The following PLD1 variants were observed in gnomAD, a reference collection of about 807,000 sequenced individuals.
PLD1 encodes the protein phospholipase D1.
PLD1 carries 112 observed loss-of-function variants against 137.1 expected under a neutral mutation model. The observed-to-expected ratio is 0.82, with a 90% CI of 0.70 to 0.96. PLD1 has a LOEUF of 0.96. Ranked by LOEUF, PLD1 falls within the 40% of genes least tolerant of loss-of-function variation. The pLI is 0.00. For synonymous variants in PLD1, 431 were observed against 454.7 expected, an observed-to-expected ratio of 0.95 and a Z score of 0.66; for missense variants, 1,321 against 1,342.0, an observed-to-expected ratio of 0.98 and a Z score of 0.24.
Position 171,617,656 on chromosome 3 carries a change from G to A in PLD1, c.2728+2730C>T, listed in dbSNP as rs930435645. ...TGGTTAAAGGCTAAAATTAAGATAG[G>A]TAAGAAAACTGGATTTGGTCACAGA... On this transcript the variant is annotated intron_variant, in intron 24 of 26. Coordinates refer to ENST00000351298, the MANE Select transcript of PLD1 (RefSeq NM_002662.5). Among the ~76,000 whole-genome samples the A allele has an allele frequency of 4.4e-4, 67 of 152,150 alleles. 1 individual carries two copies. The highest frequency in any genetic ancestry group is 3.9e-4 in the Admixed American group (6 of 15,286).
intron 1 of PLD1, chr3:171,765,051 G>A (rs1334038461): frequency 6.6e-6 from 1 of 152,076 alleles, no homozygotes; most frequent in African/African-American, 2.4e-5. Flanking sequence ...AGAGCTAGGG[G>A]AGGAAAAGAG....
intron 1 of PLD1, among the ~76,000 whole-genome samples, chr3:171,779,073 C>T (rs1297555001): frequency 6.6e-6 from 1 of 152,132 alleles, no homozygotes; most frequent in African/African-American, 2.4e-5. Context: ...CCTGTAATCC[C>T]AGCTACTCAG....
chr3:171,672,289 A>C (rs1712849069), intron 19 of PLD1, among the ~76,000 whole-genome samples: 1 of 152,158 alleles, frequency 6.6e-6, no homozygotes, highest in South Asian at 2.1e-4. Flanking sequence ...CTCGACACCC[A>C]AGTGTGCTTT....
At position 171,714,215 on chromosome 3, in the gene PLD1, C is replaced by A. The variant is rs28375171; in HGVS notation, c.759-170G>T. 7.2e-3 allele frequency among the ~76,000 whole-genome samples: 1,094 copies of A among 151,936 alleles called. 12 individuals carry two copies. Among genetic ancestry groups the A allele is most frequent in the African/African-American group, 0.02 (819 of 41,422 alleles). On this transcript the variant is annotated intron_variant, in intron 8 of 26. Transcript: ENST00000351298. ...ATCGCTATGAAACAAACAAAAAAAA[C>A]CCAACAAAACCTTTCTATTACGTTT... is the stretch of plus-strand genomic sequence containing the variant.
chr3:171,628,836 A>C (rs1292302703), intron 23 of PLD1, among the ~76,000 whole-genome samples: 1 of 152,232 alleles, frequency 6.6e-6, no homozygotes, highest in Non-Finnish European at 1.5e-5. Context: ...AACTCTCAAT[A>C]AATTAGGTAT....
At position 171,764,882 on chromosome 3, in the gene PLD1, A is replaced by AGGAAGGAAG. The variant is rs753055773; in HGVS notation, c.-31-26801_-31-26800insCTTCCTTCC. On this transcript the variant is annotated intron_variant, in intron 1 of 26. Transcript: ENST00000351298. ...AAGAAAGAAAGAAAGAAAGAAAGAA[A>AGGAAGGAAG]GAAAGAAAGAAAGGAAGGAAGGAAG... is the stretch of plus-strand genomic sequence containing the variant. 1.0e-3 allele frequency among the ~76,000 whole-genome samples: 27 copies of AGGAAGGAAG among 27,050 alleles called. 3 individuals carry two copies. The highest frequency in any genetic ancestry group is 4.5e-3 in the African/African-American group (26 of 5,734). The allele number at this position is 27,050 out of a possible 152,430, so 17.7% of individuals were successfully genotyped here. A position where few individuals can be genotyped will look rare whatever the true frequency, so the allele number is the denominator to read the frequency against.
intron 1 of PLD1, chr3:171,809,450 A>G (rs1160867391): frequency 6.6e-6 from 1 of 152,234 alleles, no homozygotes; most frequent in African/African-American, 2.4e-5. Context: ...AGTCTCTCAG[A>G]GGCCTTTGGA....
At chr3:171,797,427 C>A (rs1473824566) in intron 1 of PLD1, among the ~76,000 whole-genome samples, 1 of 152,170 alleles carries the variant, frequency 6.6e-6, no homozygotes, top group Non-Finnish European at 1.5e-5. Context: ...TATCTCGGAG[C>A]TTGTTAGAAT....
intron 1 of PLD1, among the ~76,000 whole-genome samples, chr3:171,768,897 G>A (rs1722161339): frequency 6.6e-6 from 1 of 152,208 alleles, no homozygotes; most frequent in African/African-American, 2.4e-5. Flanking sequence ...GGTATGTTAT[G>A]AGACAAATGC....
rs372576752 is a variant in PLD1, at chr3:171,692,444, T to C, written c.1228-2A>G. ...TATGAAGATCCTCACTCCTTGTTGC[T>C]GTCACAGGAGAAAACCGATGGAGGA... On this transcript the variant is annotated splice_acceptor_variant, in intron 12 of 26. Transcript: ENST00000351298. LOFTEE classifies it high-confidence loss of function. 3 of 1,474,892 alleles carry C rather than the reference T, an allele frequency of 2.0e-6. No individual in the cohort carries two copies. In the African/African-American group the frequency reaches 4.2e-5, roughly 20 times the overall value. 91.4% of individuals were successfully genotyped at this position (1,474,892 alleles called of 1,614,324 possible).
chr3:171,777,389 C>T (rs1013233512), intron 1 of PLD1, among the ~76,000 whole-genome samples: 1 of 152,146 alleles, frequency 6.6e-6, no homozygotes, highest in Non-Finnish European at 1.5e-5. Flanking sequence ...GAGCTGCTTG[C>T]GTGTAAGGGA....
intron 1 of PLD1, among the ~76,000 whole-genome samples, chr3:171,786,045 T>C (rs1723002658): frequency 6.6e-6 from 1 of 152,180 alleles, no homozygotes; most frequent in Non-Finnish European, 1.5e-5. Context: ...AAATGTTTCT[T>C]GGGTTGACTT....
intron 1 of PLD1, among the ~76,000 whole-genome samples, chr3:171,740,090 T>C (rs570398165): frequency 1.3e-5 from 2 of 152,244 alleles, no homozygotes; most frequent in East Asian, 3.9e-4. Context: ...ATCTCTAGAG[T>C]TCTTTTAACA....
At chr3:171,652,953 T>C (rs75788519) in intron 21 of PLD1, among the ~76,000 whole-genome samples, 1 of 152,200 alleles carries the variant, frequency 6.6e-6, no homozygotes, top group African/African-American at 2.4e-5. Flanking sequence ...GTATTTTTCA[T>C]AGATTTCTGG....
At chr3:171,656,494 A>T (rs1737215375) in intron 21 of PLD1, among the ~76,000 whole-genome samples, 1 of 152,254 alleles carries the variant, frequency 6.6e-6, no homozygotes, top group African/African-American at 2.4e-5. Flanking sequence ...TTAGAAGTCC[A>T]GATTTTTAAA....
intron 23 of PLD1, among the ~76,000 whole-genome samples, chr3:171,622,810 A>C (rs1008373209): frequency 6.6e-6 from 1 of 150,954 alleles, no homozygotes; most frequent in African/African-American, 2.4e-5. Context: ...TCAGTAATAA[A>C]ATTATATCAA....
At chr3:171,646,269 T>C (rs919841190) in intron 21 of PLD1, among the ~76,000 whole-genome samples, 1 of 152,216 alleles carries the variant, frequency 6.6e-6, no homozygotes, top group Non-Finnish European at 1.5e-5. Context: ...GGTGTTGTCA[T>C]TGGTTAATTT....
At chr3:171,693,502 GA>G (rs1193638030) in intron 12 of PLD1, among the ~76,000 whole-genome samples, 1 of 152,002 alleles carries the variant, frequency 6.6e-6, no homozygotes, top group Non-Finnish European at 1.5e-5. Flanking sequence ...GTATAGTTCA[GA>G]ATGTATTACC....
At chr3:171,705,444 A>ATT (rs529366256) in intron 11 of PLD1, among the ~76,000 whole-genome samples, 61 of 152,298 alleles carry the variant, frequency 4.0e-4, no homozygotes, top group African/African-American at 1.4e-3. Context: ...GAGATGGAAA[A>ATT]TTTCTCAACA....
Sources: gnomAD v4.1 joint callset for allele counts (sites outside exome capture counted in the v4.1 genomes callset) on GRCh38, gnomAD v4.1.1 for gene constraint, MANE v1.5 for transcripts, NCBI Gene and HGNC (gene_info 2026-07-23, HGNC 2026-07-21) for gene names.